Variants in OXR1 observed in about 807,000 individuals in gnomAD.
OXR1 encodes the protein oxidation resistance 1, also known as oxidation resistance protein 1.
In OXR1, 41 loss-of-function variants were observed where a neutral mutation model predicts 104.6. The ratio of observed to expected loss-of-function variants is 0.39; its 90% confidence interval spans 0.31 to 0.51. OXR1 has a LOEUF of 0.51. OXR1 is among the 20% of genes least tolerant of loss of function. The probability of loss-of-function intolerance (pLI) is 0.77; values close to 1 mark genes in which losing one functional copy is unlikely to be tolerated. For missense variants in OXR1, 955 were observed against 1,031.9 expected (o/e 0.93, Z 1.02); for synonymous variants, 348 against 348.4 (o/e 1.00, Z 0.01).
intron 2 of OXR1, among the ~76,000 whole-genome samples, chr8:106,406,921 G>A (rs1468321476): frequency 2.8e-5 from 4 of 141,880 alleles, no homozygotes; most frequent in East Asian, 2.3e-4. Flanking sequence ...AAGTAATTGC[G>A]GTTCTTGCTG....
At chr8:106,720,344 C>A (rs950567124) in intron 11 of OXR1, among the ~76,000 whole-genome samples, 1 of 152,158 alleles carries the variant, frequency 6.6e-6, no homozygotes, top group Non-Finnish European at 1.5e-5. Flanking sequence ...TAGGTAGTTA[C>A]ATTGTGCAGT....
rs776915664 is a variant in OXR1 at position 106,692,827 on chromosome 8, T to G, written c.625T>G (p.Phe209Val). The change falls in exon 7 of 17, where the codon TTT becomes GTT. Residue 209 changes from phenylalanine (F) to valine (V), a missense_variant. Around this residue, in one of 2 missense-constraint regions of OXR1, gnomAD observed 849 missense variants for 852.9 expected, o/e 1.00. Coordinates refer to ENST00000517566, the MANE Select transcript of OXR1 (RefSeq NM_001198533.2). ...VSSTSEEEEA[F>V]TEKFLKINCK... ...TTCAACTTCTGAGGAGGAGGAAGCA[T>G]TTACTGAGAAATTTCTTAAAATTAA... 15 of 1,606,676 alleles carry G rather than the reference T, an allele frequency of 9.3e-6. No individual in the cohort carries two copies. Among genetic ancestry groups the G allele is most frequent in the Non-Finnish European group, 1.3e-5 (15 of 1,174,824 alleles).
chr8:106,581,200 T>G (rs1468575459), intron 3 of OXR1: 3 of 1,286,828 alleles, frequency 2.3e-6, no homozygotes, highest in African/African-American at 1.5e-5. Context: ...AAACCACTGC[T>G]GCAGAAAGCT....
intron 7 of OXR1, among the ~76,000 whole-genome samples, chr8:106,694,943 A>C (rs1184140959): frequency 7.1e-6 from 1 of 140,438 alleles, no homozygotes; most frequent in Non-Finnish European, 1.5e-5. Context: ...ATATATAAAT[A>C]TAAAATATTT....
chr8:106,508,366 A>G (rs1247183881), intron 2 of OXR1, among the ~76,000 whole-genome samples: 1 of 152,190 alleles, frequency 6.6e-6, no homozygotes, highest in East Asian at 1.9e-4. Flanking sequence ...TTTTTTCTGA[A>G]TAAAGTCTGA....
intron 2 of OXR1, among the ~76,000 whole-genome samples, chr8:106,510,446 C>A (rs1812449458): frequency 6.6e-6 from 1 of 152,096 alleles, no homozygotes; most frequent in Admixed American, 6.5e-5. Context: ...ATAAACAAAC[C>A]AGCTGGCAAA....
chr8:106,524,633 T>A (rs886506349), intron 3 of OXR1, among the ~76,000 whole-genome samples: 1 of 152,124 alleles, frequency 6.6e-6, no homozygotes, highest in Non-Finnish European at 1.5e-5. Context: ...CAGAATAGAA[T>A]GAAAAATGAA....
chr8:106,515,016 G>T (rs1213517942), intron 2 of OXR1, among the ~76,000 whole-genome samples: 1 of 151,720 alleles, frequency 6.6e-6, no homozygotes, highest in East Asian at 1.9e-4. Flanking sequence ...ATAGAATATT[G>T]ACATTTTGTA....
intron 2 of OXR1, among the ~76,000 whole-genome samples, chr8:106,506,506 G>C (rs1314375912): frequency 6.6e-6 from 1 of 151,982 alleles, no homozygotes; most frequent in South Asian, 2.1e-4. Flanking sequence ...CCAGCTACTC[G>C]GGAGGCTGAG....
chr8:106,399,203 T>G (rs140601706), intron 2 of OXR1, among the ~76,000 whole-genome samples: 1 of 152,288 alleles, frequency 6.6e-6, no homozygotes, highest in Non-Finnish European at 1.5e-5. Flanking sequence ...AATTCCATAA[T>G]TGTCCCAGTG....
chr8:106,633,007 G>A (rs565783976), intron 3 of OXR1, among the ~76,000 whole-genome samples: 174 of 151,822 alleles, frequency 1.1e-3, no homozygotes, highest in African/African-American at 3.8e-3. Flanking sequence ...AGGCTGAGGC[G>A]GGTGTATCAC....
intron 6 of OXR1, among the ~76,000 whole-genome samples, chr8:106,691,527 T>A (rs1291384571): frequency 1.3e-5 from 2 of 151,476 alleles, no homozygotes; most frequent in African/African-American, 2.4e-5. Flanking sequence ...GATACTGAGT[T>A]CAGACTTTCA....
At chr8:106,671,439 T>C (rs1267773168) in intron 3 of OXR1, among the ~76,000 whole-genome samples, 1 of 152,140 alleles carries the variant, frequency 6.6e-6, no homozygotes, top group Non-Finnish European at 1.5e-5. Context: ...TCATATATCT[T>C]GGCAGTGGCA....
chr8:106,718,856 G>A lies in OXR1; in HGVS notation c.1956+4871G>A, dbSNP rs966014897. Among the ~76,000 whole-genome samples, 13 of 148,058 alleles carry A rather than the reference G, an allele frequency of 8.8e-5. No homozygotes were observed. In the East Asian group the frequency reaches 2.6e-3, roughly 29 times the overall value. ...TCCACCTCAAAAAAAAAAAAAAGGA[G>A]CTATGCCTGAATTAATTGCGTCAAC... On this transcript the variant is annotated intron_variant, in intron 11 of 16. Coordinates refer to ENST00000517566, the MANE Select transcript of OXR1 (RefSeq NM_001198533.2).
At chr8:106,493,761 A>G (rs950277621) in intron 2 of OXR1, among the ~76,000 whole-genome samples, 1 of 152,094 alleles carries the variant, frequency 6.6e-6, no homozygotes, top group African/African-American at 2.4e-5. Context: ...ATTTATATTT[A>G]TGGTTATTAT....
chr8:106,672,052 A>T (rs1827056209), intron 3 of OXR1, among the ~76,000 whole-genome samples: 1 of 150,318 alleles, frequency 6.7e-6, no homozygotes. Context: ...CTCTGGGATG[A>T]CCACTAAAAG....
At chr8:106,483,429 G>A (rs1414052841) in intron 2 of OXR1, among the ~76,000 whole-genome samples, 1 of 151,838 alleles carries the variant, frequency 6.6e-6, no homozygotes, top group Non-Finnish European at 1.5e-5. Flanking sequence ...GGGCTCGGTG[G>A]CATGTACCTG....
At chr8:106,514,019 G>A (rs1812706023) in intron 2 of OXR1, among the ~76,000 whole-genome samples, 5 of 152,064 alleles carry the variant, frequency 3.3e-5, no homozygotes, top group Admixed American at 2.6e-4. Flanking sequence ...GCTTATAGGA[G>A]CCATGCCAAG....
At chr8:106,666,481 A>G (rs1302627597) in intron 3 of OXR1, among the ~76,000 whole-genome samples, 1 of 152,222 alleles carries the variant, frequency 6.6e-6, no homozygotes, top group Admixed American at 6.5e-5. Context: ...CTAAAGCACA[A>G]TAAGACAGAC....
Sources: allele counts gnomAD v4.1 joint callset (sites outside exome capture counted in the v4.1 genomes callset), GRCh38; gene constraint gnomAD v4.1.1; regional missense constraint gnomAD v4.1.1; transcripts MANE v1.5; gene names NCBI Gene and HGNC (gene_info 2026-07-23, HGNC 2026-07-21).